The following SFMBT2 variants were observed in gnomAD, a reference collection of about 807,000 sequenced individuals.
SFMBT2 encodes the protein Scm like with four mbt domains 2.
In SFMBT2, 38 loss-of-function variants were observed where a neutral mutation model predicts 110.1. The ratio of observed to expected loss-of-function variants is 0.35; its 90% CI spans 0.27 to 0.45. The LOEUF (loss-of-function observed/expected upper bound fraction) is 0.45, where lower values mean the gene tolerates loss of function less well. SFMBT2 is among the 20% of genes least tolerant of loss of function. The pLI is 1.00. For missense variants in SFMBT2, 1,011 were observed against 1,094.9 expected, an observed-to-expected ratio of 0.92 and a Z score of 1.08; for synonymous variants, 425 against 425.4, an observed-to-expected ratio of 1.00 and a Z score of 0.01.
Position 7,171,363 on chromosome 10 carries a change from A to G in SFMBT2, c.2416-307T>C. The G allele has an allele frequency of 1.0e-6, 1 of 984,870 alleles. No individual in the cohort carries two copies. Among genetic ancestry groups the G allele is most frequent in the Non-Finnish European group, 1.2e-6 (1 of 829,394 alleles). 61.0% of individuals were successfully genotyped at this position (984,870 alleles called of 1,614,324 possible). A position where few individuals can be genotyped will look rare whatever the true frequency, so the allele number is the denominator to read the frequency against. The stretch of plus-strand genomic sequence containing the variant: ...TGAACGAAGCATCTCTGATTAGAGA[A>G]AAGAGGAGAAATACAAGGGGCACGT... On this transcript the variant is annotated intron_variant, in intron 19 of 20. Coordinates refer to ENST00000397167, the MANE Select transcript of SFMBT2 (RefSeq NM_001387889.1). The surrounding 1 kb of genome is among the most constrained non-coding windows in gnomAD (Gnocchi z 4.9).
chr10:7,397,019 C>T (rs753856039), intron 1 of SFMBT2, among the ~76,000 whole-genome samples: 5 of 151,744 alleles, frequency 3.3e-5, no homozygotes, highest in Non-Finnish European at 7.4e-5. Context: ...CAAACCTGCA[C>T]GTTGTGCACA....
At chr10:7,260,536 A>G (rs1841159044) in intron 7 of SFMBT2, among the ~76,000 whole-genome samples, 1 of 152,176 alleles carries the variant, frequency 6.6e-6, no homozygotes, top group African/African-American at 2.4e-5. Context: ...TGCTTCTTCA[A>G]AGCAAGGAAA....
Position 7,381,800 on chromosome 10 carries a change from A to G in SFMBT2, c.99T>C (p.Ser33=). Residue 33 remains serine (S), a splice_region_variant and synonymous_variant, in exon 2 of 21, where the codon TCT becomes TCC. Transcript: ENST00000397167. ...TGAATCTCGAAAACAAAATCCTACCAGAATCAAGGTCTCCATTTCCATTAG... is the reference window on the plus strand; with the variant it reads ...TGAATCTCGAAAACAAAATCCTACCGGAATCAAGGTCTCCATTTCCATTAG... The part of the protein sequence containing the change: ...GSANGNGDLD[S]EEGSSLEETG... 1 of 1,612,626 alleles carries G rather than the reference A, an allele frequency of 6.2e-7. No homozygotes were observed. The highest frequency in any genetic ancestry group is 8.5e-7 in the Non-Finnish European group (1 of 1,179,222).
intron 4 of SFMBT2, among the ~76,000 whole-genome samples, chr10:7,316,319 C>T (rs566380608): frequency 2.4e-4 from 36 of 152,208 alleles, no homozygotes; most frequent in Non-Finnish European, 4.9e-4. Context: ...AGGGATCCAG[C>T]CAGCTGGGCT....
At chr10:7,394,038 T>C (rs1172155500) in intron 1 of SFMBT2, among the ~76,000 whole-genome samples, 1 of 152,154 alleles carries the variant, frequency 6.6e-6, no homozygotes, top group Admixed American at 6.5e-5. Flanking sequence ...GGTCTCACTC[T>C]GTCGCCCAGG....
intron 2 of SFMBT2, among the ~76,000 whole-genome samples, chr10:7,378,337 T>G (rs1845319898): frequency 9.9e-6 from 1 of 101,022 alleles, no homozygotes; most frequent in African/African-American, 4.9e-5. Context: ...TGAGTGTGGG[T>G]GTGTGTGGGT....
At chr10:7,299,022 C>A (rs761053498) in intron 4 of SFMBT2, among the ~76,000 whole-genome samples, 1 of 152,154 alleles carries the variant, frequency 6.6e-6, no homozygotes, top group Non-Finnish European at 1.5e-5. Context: ...AGCAGCCTGG[C>A]CAACATGGCG....
At position 7,381,720 on chromosome 10, in the gene SFMBT2, C is replaced by T. The variant is rs546144850; in HGVS notation, c.100+79G>A. 6 of 1,445,540 alleles carry T rather than the reference C, an allele frequency of 4.2e-6. No homozygotes were observed. In the African/African-American group the frequency reaches 5.6e-5, roughly 14 times the overall value. 89.5% of individuals were successfully genotyped at this position (1,445,540 alleles called of 1,614,324 possible). ...TATGTGAGATCTACAAATGTTGCCC[C>T]ATTGTTTCCTGAATACTTTCAGGAA... On this transcript the variant is annotated intron_variant, in intron 2 of 20. Transcript: ENST00000397167.
intron 1 of SFMBT2, among the ~76,000 whole-genome samples, chr10:7,399,469 T>G (rs1329949458): frequency 6.6e-6 from 1 of 152,118 alleles, no homozygotes; most frequent in Non-Finnish European, 1.5e-5. Flanking sequence ...TGACCTCAAG[T>G]GATCTGCCTG....
intron 2 of SFMBT2, chr10:7,370,903 T>A (rs1345514170): frequency 1.4e-5 from 8 of 569,852 alleles, no homozygotes; most frequent in Non-Finnish European, 1.8e-5. Flanking sequence ...ACCCAGCCAG[T>A]CAACAACACA....
intron 1 of SFMBT2, among the ~76,000 whole-genome samples, chr10:7,398,755 T>C (rs756827564): frequency 2.0e-5 from 3 of 152,014 alleles, no homozygotes; most frequent in Non-Finnish European, 4.4e-5. Context: ...AATTAGAGCA[T>C]CCCCCCAGGT....
At position 7,163,832 on chromosome 10, in the gene SFMBT2, TGGCA is replaced by T; in HGVS notation, c.2619_2622del (p.Ala874SerfsTer37). 1 of 1,614,206 alleles carries T rather than the reference TGGCA, an allele frequency of 6.2e-7. No individual in the cohort carries two copies. ...CTCTCGATCTGGTGGCATAACTTGA[TGGCA>T]GGCCCCAGCTTCAGCTCCATGCACT... is the stretch of plus-strand genomic sequence containing the variant. On this transcript the variant is annotated frameshift_variant, in exon 21 of 21. Coordinates refer to ENST00000397167, the MANE Select transcript of SFMBT2 (RefSeq NM_001387889.1). LOFTEE classifies it high-confidence loss of function. This position sits in a 1 kb window ranked among gnomAD's most constrained non-coding sequence, Gnocchi z 4.8.
At chr10:7,206,766 T>C (rs1839149532) in intron 11 of SFMBT2, 1 of 763,994 alleles carries the variant, frequency 1.3e-6, no homozygotes, top group African/African-American at 1.9e-5. Context: ...AGAGAATAAA[T>C]TTGGAACTAG....
At chr10:7,222,696 G>T (rs1477750672) in intron 10 of SFMBT2, among the ~76,000 whole-genome samples, 2 of 151,568 alleles carry the variant, frequency 1.3e-5, no homozygotes, top group Non-Finnish European at 2.9e-5. Flanking sequence ...TTGAGACAGG[G>T]TCTCATTCTG....
intron 6 of SFMBT2, among the ~76,000 whole-genome samples, chr10:7,277,226 A>C (rs1263071724): frequency 1.3e-5 from 2 of 152,242 alleles, no homozygotes; most frequent in African/African-American, 4.8e-5. Context: ...GCTCTTCTTC[A>C]GGGAACATTT....
intron 4 of SFMBT2, among the ~76,000 whole-genome samples, chr10:7,354,661 G>A (rs1844440739): frequency 6.6e-6 from 1 of 151,168 alleles, no homozygotes; most frequent in Non-Finnish European, 1.5e-5. Flanking sequence ...CCCTAAAACA[G>A]GCCCAGACAC....
At chr10:7,259,579 C>T (rs2131769005) in intron 7 of SFMBT2, among the ~76,000 whole-genome samples, 1 of 152,340 alleles carries the variant, frequency 6.6e-6, no homozygotes, top group Admixed American at 6.5e-5. Flanking sequence ...CCTGGCTTTG[C>T]CACATGTCCA....
intron 4 of SFMBT2, among the ~76,000 whole-genome samples, chr10:7,297,300 C>A (rs1377893647): frequency 2.0e-5 from 3 of 152,148 alleles, no homozygotes; most frequent in African/African-American, 7.2e-5. Flanking sequence ...GATGGCACTA[C>A]CTGGGTTGGA....
chr10:7,308,441 G>C (rs1327439742), intron 4 of SFMBT2, among the ~76,000 whole-genome samples: 1 of 151,996 alleles, frequency 6.6e-6, no homozygotes, highest in Non-Finnish European at 1.5e-5. Flanking sequence ...AATAAATTTA[G>C]ACCTTTTCCT....
Sources: allele counts gnomAD v4.1 joint callset (sites outside exome capture counted in the v4.1 genomes callset), GRCh38; gene constraint gnomAD v4.1.1; non-coding constraint Gnocchi (gnomAD v3.1); transcripts MANE v1.5; gene names NCBI Gene and HGNC (gene_info 2026-07-23, HGNC 2026-07-21).